Variants in ABCA13 observed in about 807,000 individuals in gnomAD.
The protein encoded by ABCA13 is ATP binding cassette subfamily A member 13.
Under a neutral mutation model 478.7 loss-of-function variants are expected in ABCA13, and 476 were observed. The ratio of observed to expected loss-of-function variants is 0.99; its 90% CI spans 0.92 to 1.07. ABCA13 has a LOEUF of 1.07. ABCA13 is among the 50% of genes least tolerant of loss of function. ABCA13 has a pLI of 0.00. For synonymous variants in ABCA13, 2,252 were observed against 2,158.9 expected (o/e 1.04, Z -1.20); for missense variants, 6,060 against 5,910.6 (o/e 1.03, Z -0.83).
chr7:48,310,060 C>T lies in ABCA13; in HGVS notation c.9435C>T (p.Leu3145=). Residue 3145 remains leucine, a synonymous_variant, in exon 24 of 62, where the codon CTC becomes CTT. Transcript: ENST00000435803. ...GEKSWIAAEE[L]CSLPGSKVYS... is the part of the protein sequence containing the mutation. ...AATCTTGGATCGCAGCGGAGGAACT[C>T]TGTAGCCTGCCAGGGTCAAAAGTGT... 1 of 1,613,916 alleles carries T rather than the reference C, an allele frequency of 6.2e-7. No individual in the cohort carries two copies.
intron 45 of ABCA13, among the ~76,000 whole-genome samples, chr7:48,475,738 GCA>G (rs1828021243): frequency 6.6e-6 from 1 of 152,044 alleles, no homozygotes; most frequent in Non-Finnish European, 1.5e-5. Flanking sequence ...TGCTGGGGTT[GCA>G]GGTGTGAGCC....
At chr7:48,384,225 G>C (rs1021639623) in intron 35 of ABCA13, among the ~76,000 whole-genome samples, 5 of 152,220 alleles carry the variant, frequency 3.3e-5, no homozygotes, top group Non-Finnish European at 7.3e-5. Context: ...TAATCTTCCT[G>C]ATGTGTTTGC....
chr7:48,319,770 C>G (rs1803149071), intron 27 of ABCA13, among the ~76,000 whole-genome samples: 1 of 152,194 alleles, frequency 6.6e-6, no homozygotes, highest in South Asian at 2.1e-4. Context: ...TCCTAACTCT[C>G]TGTGACCTTG....
At chr7:48,301,047 C>T (rs1392968043) in intron 23 of ABCA13, among the ~76,000 whole-genome samples, 1 of 152,200 alleles carries the variant, frequency 6.6e-6, no homozygotes, top group East Asian at 1.9e-4. Flanking sequence ...CCCTCTGTCC[C>T]TTTATTTTCT....
chr7:48,413,454 G>A (rs371540745), intron 41 of ABCA13, among the ~76,000 whole-genome samples: 2 of 152,156 alleles, frequency 1.3e-5, no homozygotes, highest in Non-Finnish European at 2.9e-5. Context: ...ACATTGCTAC[G>A]TTGTGTGACC....
intron 31 of ABCA13, among the ~76,000 whole-genome samples, chr7:48,354,927 C>T (rs1192781513): frequency 2.0e-5 from 3 of 151,932 alleles, no homozygotes; most frequent in African/African-American, 7.3e-5. Context: ...CTCCTGCTTA[C>T]TGAATGAGCT....
Position 48,445,978 on chromosome 7 carries a change from C to T in ABCA13, c.12566-9059C>T, listed in dbSNP as rs77142144. Among the ~76,000 whole-genome samples the T allele has an allele frequency of 2.6e-4, 39 of 152,182 alleles. No individual in the cohort carries two copies. The East Asian group carries it at 6.6e-3, about 26-fold the overall frequency. ...TATCACTGCACATATCTGGCCTTTG[C>T]GGGCTCTGTCCCACCTACAGAGTGA... On this transcript the variant is annotated intron_variant, in intron 42 of 61. Transcript: ENST00000435803.
chr7:48,533,980 T>C (rs1833406405), intron 55 of ABCA13, among the ~76,000 whole-genome samples: 1 of 152,144 alleles, frequency 6.6e-6, no homozygotes. Context: ...GTGGAGCATT[T>C]AAGCCATTTA....
intron 48 of ABCA13, among the ~76,000 whole-genome samples, chr7:48,505,492 G>A (rs1011933833): frequency 5.9e-5 from 9 of 152,104 alleles, no homozygotes; most frequent in African/African-American, 1.7e-4. Context: ...AATTAAAGGC[G>A]AGCCAAAAGA....
At chr7:48,363,709 T>G (rs985449207) in intron 31 of ABCA13, among the ~76,000 whole-genome samples, 14 of 152,124 alleles carry the variant, frequency 9.2e-5, no homozygotes, top group Non-Finnish European at 1.3e-4. Context: ...TGGCCTGTGT[T>G]TCTTCCAATT....
At chr7:48,312,590 A>G (rs1801936292) in intron 24 of ABCA13, among the ~76,000 whole-genome samples, 1 of 152,220 alleles carries the variant, frequency 6.6e-6, no homozygotes, top group South Asian at 2.1e-4. Flanking sequence ...GAAGACTTTT[A>G]ATCTCCTCAA....
chr7:48,289,001 T>C (rs1798142591), intron 20 of ABCA13, among the ~76,000 whole-genome samples: 1 of 152,172 alleles, frequency 6.6e-6, no homozygotes. Flanking sequence ...TTCTTGCTTT[T>C]GTGATCCATA....
chr7:48,290,078 G>T (rs758519037), intron 20 of ABCA13, among the ~76,000 whole-genome samples: 6 of 152,334 alleles, frequency 3.9e-5, no homozygotes, highest in Non-Finnish European at 7.4e-5. Context: ...CATTTAGAGA[G>T]AAAGTTTCAG....
chr7:48,297,426 A>T, intron 22 of ABCA13, 115 bp downstream of exon 22: 1 of 1,022,042 alleles, frequency 9.8e-7, no homozygotes. Flanking sequence ...GTGATACATA[A>T]TCATTTACAA....
At chr7:48,193,749 G>A (rs1797444501) in intron 2 of ABCA13, among the ~76,000 whole-genome samples, 1 of 148,148 alleles carries the variant, frequency 6.8e-6, no homozygotes, top group Non-Finnish European at 1.5e-5. Flanking sequence ...TGATGCTGGT[G>A]ACGATAGTGA....
chr7:48,384,618 T>A (rs1814889872), intron 35 of ABCA13, among the ~76,000 whole-genome samples: 1 of 152,232 alleles, frequency 6.6e-6, no homozygotes, highest in Non-Finnish European at 1.5e-5. Flanking sequence ...ATGACCTGAT[T>A]ATCCAGCTGC....
At chr7:48,179,016 AATAAT>A (rs1288365247) in intron 1 of ABCA13, among the ~76,000 whole-genome samples, 10 of 148,854 alleles carry the variant, frequency 6.7e-5, no homozygotes, top group Admixed American at 3.4e-4. Context: ...TAATAATAAT[AATAAT>A]AAAAACAAAG....
In ABCA13 at chr7:48,248,222, C is replaced by G; in HGVS notation, c.1660-17C>G. On this transcript the variant is annotated splice_polypyrimidine_tract_variant and intron_variant, in intron 13 of 61. Transcript: ENST00000435803. ...TTGCTTTATTTATTATAAGCAATAT[C>G]TTCTTTTCTTGTTAAGGATCGTATT... The G allele has an allele frequency of 6.2e-7, 1 of 1,601,656 alleles. No individual in the cohort carries two copies. The highest frequency in any genetic ancestry group is 8.5e-7 in the Non-Finnish European group (1 of 1,170,068).
chr7:48,279,714 C>T lies in ABCA13; in HGVS notation c.8520C>T (p.Ser2840=). ...TTAACAACTCTGAATGGATAACTTC[C>T]ACAAGAACTTTGTTTCAGCCACTTT... ...LLFNNSEWIT[S]TRTLFQPLFE... The change falls in exon 18 of 62, where the codon TCC becomes TCT. Residue 2840 remains serine (S), a synonymous_variant. Coordinates refer to ENST00000435803, the MANE Select transcript of ABCA13 (RefSeq NM_152701.5). 3 of 1,613,502 alleles carry T rather than the reference C, an allele frequency of 1.9e-6. No homozygotes were observed. The highest frequency in any genetic ancestry group is 2.5e-6 in the Non-Finnish European group (3 of 1,179,714).
Sources: allele counts gnomAD v4.1 joint callset (sites outside exome capture counted in the v4.1 genomes callset), GRCh38; gene constraint gnomAD v4.1.1; transcripts MANE v1.5; gene names NCBI Gene and HGNC (gene_info 2026-07-23, HGNC 2026-07-21).